Variants in IMMP2L observed in about 807,000 individuals in gnomAD.
The protein encoded by IMMP2L is mitochondrial inner membrane protease subunit 2.
Under a neutral mutation model 19.3 loss-of-function variants are expected in IMMP2L, and 18 were observed. The ratio of observed to expected loss-of-function variants is 0.93; its 90% CI spans 0.64 to 1.38. The LOEUF is 1.38. Among genes scored for constraint, IMMP2L ranks in the 40% most tolerant of loss-of-function variants. The pLI is 0.00. For missense variants in IMMP2L, 233 were observed against 218.2 expected (o/e 1.07, Z -0.43); for synonymous variants, 76 against 73.0 (o/e 1.04, Z -0.21).
At chr7:110,846,227 T>C (rs1240720551) in intron 5 of IMMP2L, among the ~76,000 whole-genome samples, 1 of 152,056 alleles carries the variant, frequency 6.6e-6, no homozygotes, top group Non-Finnish European at 1.5e-5. Context: ...ACCGAGAACC[T>C]GAACAGCGAA....
chr7:111,185,655 A>C (rs1808190021), intron 3 of IMMP2L, among the ~76,000 whole-genome samples: 1 of 152,176 alleles, frequency 6.6e-6, no homozygotes, highest in Non-Finnish European at 1.5e-5. Context: ...GAAAACTAAA[A>C]TTTTTGTAAC....
intron 1 of IMMP2L, among the ~76,000 whole-genome samples, chr7:111,536,285 T>C (rs1046464803): frequency 9.2e-5 from 14 of 152,066 alleles, no homozygotes; most frequent in Non-Finnish European, 1.5e-5. Flanking sequence ...ATATGAAATA[T>C]TGGTGGTGGG....
chr7:110,889,075 A>G (rs1810516214), intron 4 of IMMP2L, among the ~76,000 whole-genome samples: 2 of 152,302 alleles, frequency 1.3e-5, no homozygotes, highest in East Asian at 3.9e-4. Flanking sequence ...AGTTACTTAG[A>G]GTTTCTACCT....
At chr7:110,991,983 C>T (rs1331550898) in intron 3 of IMMP2L, among the ~76,000 whole-genome samples, 1 of 152,132 alleles carries the variant, frequency 6.6e-6, no homozygotes, top group Admixed American at 6.6e-5. Context: ...TTGGCCAAGA[C>T]TTTTCTTAAG....
At chr7:110,991,773 C>G (rs564022909) in intron 3 of IMMP2L, among the ~76,000 whole-genome samples, 1 of 152,248 alleles carries the variant, frequency 6.6e-6, no homozygotes, top group African/African-American at 2.4e-5. Flanking sequence ...AATCAAAATA[C>G]TTAAAAACAC....
chr7:111,459,918 T>C lies in IMMP2L; in HGVS notation c.239+27320A>G, dbSNP rs563505811. Among the ~76,000 whole-genome samples the C allele has an allele frequency of 6.6e-5, 10 of 152,286 alleles. No homozygotes were observed. The South Asian group carries it at 2.1e-3, about 32-fold the overall frequency. ...AGTCTGGAAAGCATTCTTGGCTTTC[T>C]GCTTTGAAATGAAGCTGACTTGGAA... On this transcript the variant is annotated intron_variant, in intron 3 of 5. Transcript: ENST00000405709.
At chr7:111,255,935 AC>A (rs1484054746) in intron 3 of IMMP2L, among the ~76,000 whole-genome samples, 1 of 152,116 alleles carries the variant, frequency 6.6e-6, no homozygotes, top group Non-Finnish European at 1.5e-5. Context: ...AGCTGTAATT[AC>A]CAAGGAATGT....
chr7:111,227,256 C>T (rs1489806079), intron 3 of IMMP2L, among the ~76,000 whole-genome samples: 2 of 152,058 alleles, frequency 1.3e-5, no homozygotes, highest in African/African-American at 4.8e-5. Flanking sequence ...CACTATTCTG[C>T]ATTCTTCCAT....
At chr7:110,922,182 A>G (rs912807850) in intron 4 of IMMP2L, among the ~76,000 whole-genome samples, 1 of 152,242 alleles carries the variant, frequency 6.6e-6, no homozygotes, top group Admixed American at 6.5e-5. Context: ...CTGTAGAAAT[A>G]GCTGTTACCT....
intron 3 of IMMP2L, among the ~76,000 whole-genome samples, chr7:110,980,955 T>G (rs898176981): frequency 4.6e-5 from 7 of 152,112 alleles, no homozygotes. Flanking sequence ...AATAATCAAG[T>G]TTTTAGTATT....
At chr7:111,084,852 G>A (rs975434548) in intron 3 of IMMP2L, among the ~76,000 whole-genome samples, 2 of 152,188 alleles carry the variant, frequency 1.3e-5, no homozygotes, top group Non-Finnish European at 2.9e-5. Context: ...GCTCTTCTGA[G>A]AAACTTAATG....
Position 110,714,659 on chromosome 7 carries a change from C to T in IMMP2L, c.409-50938G>A, listed in dbSNP as rs182631953. 3.7e-3 allele frequency among the ~76,000 whole-genome samples: 568 copies of T among 152,156 alleles called. 4 individuals are homozygous for T. Among genetic ancestry groups the T allele is most frequent in the Non-Finnish European group, 4.6e-3 (314 of 67,996 alleles). On this transcript the variant is annotated intron_variant, in intron 5 of 5. Coordinates refer to ENST00000405709, the MANE Select transcript of IMMP2L (RefSeq NM_032549.4). ...TCACCCAGGCTGGAGTGCAGTGGTG[C>T]GATCTCGGCTCACTGTAACCTCCAC...
intron 3 of IMMP2L, among the ~76,000 whole-genome samples, chr7:111,408,697 A>T (rs1834108663): frequency 6.6e-6 from 1 of 151,824 alleles, no homozygotes; most frequent in African/African-American, 2.4e-5. Context: ...TGTATCTACC[A>T]ATAAAACACT....
intron 5 of IMMP2L, among the ~76,000 whole-genome samples, chr7:110,876,362 T>C (rs1433160590): frequency 6.6e-6 from 1 of 152,100 alleles, no homozygotes; most frequent in Non-Finnish European, 1.5e-5. Flanking sequence ...TGTAACAGAA[T>C]GGAACTTTGA....
intron 3 of IMMP2L, among the ~76,000 whole-genome samples, chr7:111,356,743 T>C (rs180966244): frequency 6.6e-6 from 1 of 152,210 alleles, no homozygotes; most frequent in East Asian, 1.9e-4. Flanking sequence ...AAAGCATATA[T>C]AGGCTGGGCT....
At chr7:111,528,882 T>C (rs1349000381) in intron 1 of IMMP2L, among the ~76,000 whole-genome samples, 1 of 152,100 alleles carries the variant, frequency 6.6e-6, no homozygotes. Context: ...GAGGAAACCA[T>C]CAAACTATGA....
At chr7:110,706,154 G>A (rs191101160) in intron 5 of IMMP2L, among the ~76,000 whole-genome samples, 1 of 152,224 alleles carries the variant, frequency 6.6e-6, no homozygotes, top group East Asian at 1.9e-4. Flanking sequence ...TTAAGCTGGA[G>A]TGCAGTGGTG....
At chr7:110,835,226 C>G (rs972469379) in intron 5 of IMMP2L, among the ~76,000 whole-genome samples, 49 of 151,952 alleles carry the variant, frequency 3.2e-4, no homozygotes, top group South Asian at 2.1e-4. Flanking sequence ...GAGATTTTGC[C>G]CAGGGGCTTA....
At chr7:111,290,274 T>C (rs1334225104) in intron 3 of IMMP2L, among the ~76,000 whole-genome samples, 2 of 152,176 alleles carry the variant, frequency 1.3e-5, no homozygotes, top group African/African-American at 4.8e-5. Flanking sequence ...AATCCTTTCA[T>C]ACTCCATTGC....
Sources: gnomAD v4.1 joint callset for allele counts (sites outside exome capture counted in the v4.1 genomes callset) on GRCh38, gnomAD v4.1.1 for gene constraint, MANE v1.5 for transcripts, NCBI Gene and HGNC (gene_info 2026-07-23, HGNC 2026-07-21) for gene names.